Variants in GRIN3A observed in about 807,000 individuals in gnomAD.
GRIN3A encodes the protein glutamate receptor ionotropic, NMDA 3A.
GRIN3A carries 47 observed loss-of-function variants against 92.4 expected under a neutral mutation model. The ratio of observed to expected loss-of-function variants is 0.51; its 90% CI spans 0.40 to 0.65. GRIN3A has a LOEUF of 0.65. Ranked by LOEUF, GRIN3A falls within the 30% of genes least tolerant of loss-of-function variation. The pLI, the probability that GRIN3A is intolerant of heterozygous loss-of-function variation, is 0.00. For missense variants in GRIN3A, 1,324 were observed against 1,393.1 expected (o/e 0.95, Z 0.79); for synonymous variants, 527 against 540.6 (o/e 0.97, Z 0.35).
At chr9:101,601,411 C>T (rs143110999) in intron 6 of GRIN3A, among the ~76,000 whole-genome samples, 18 of 152,300 alleles carry the variant, frequency 1.2e-4, no homozygotes, top group African/African-American at 4.1e-4. Flanking sequence ...TCTGGGAGAG[C>T]AGCTAGGAAA....
intron 3 of GRIN3A, among the ~76,000 whole-genome samples, chr9:101,660,278 A>G (rs1212983101): frequency 6.6e-6 from 1 of 151,880 alleles, no homozygotes; most frequent in African/African-American, 2.4e-5. Flanking sequence ...ATGAAAGCAA[A>G]TTATATACAA....
intron 6 of GRIN3A, among the ~76,000 whole-genome samples, chr9:101,587,559 A>G (rs1827965506): frequency 6.6e-6 from 1 of 152,202 alleles, no homozygotes; most frequent in Non-Finnish European, 1.5e-5. Flanking sequence ...AATAAAAAAT[A>G]AAAAGCACAT....
At chr9:101,652,870 G>T (rs1269715176) in intron 3 of GRIN3A, among the ~76,000 whole-genome samples, 2 of 151,926 alleles carry the variant, frequency 1.3e-5, no homozygotes, top group African/African-American at 4.8e-5. Flanking sequence ...TTATGAGAAT[G>T]AACATTGCAG....
At chr9:101,641,742 G>A (rs1413742953) in intron 3 of GRIN3A, among the ~76,000 whole-genome samples, 1 of 150,852 alleles carries the variant, frequency 6.6e-6, no homozygotes, top group Non-Finnish European at 1.5e-5. Context: ...TAACAAACCT[G>A]CACATTGTGC....
chr9:101,700,025 C>T (rs1829734511), intron 1 of GRIN3A, among the ~76,000 whole-genome samples: 1 of 152,162 alleles, frequency 6.6e-6, no homozygotes, highest in Admixed American at 6.5e-5. Flanking sequence ...AGGTGTATTA[C>T]CTGTCTCTCT....
chr9:101,616,970 G>A (rs28459443), intron 5 of GRIN3A, among the ~76,000 whole-genome samples: 1 of 151,246 alleles, frequency 6.6e-6, no homozygotes, highest in Non-Finnish European at 1.5e-5. Context: ...GGAGGCCAAG[G>A]TGGCCGGATC....
At chr9:101,711,348 G>A (rs1469386106) in intron 1 of GRIN3A, among the ~76,000 whole-genome samples, 1 of 152,216 alleles carries the variant, frequency 6.6e-6, no homozygotes, top group South Asian at 2.1e-4. Context: ...ATCCCGATAG[G>A]TCAGGGTGGG....
At chr9:101,680,940 G>A (rs1249120033) in intron 2 of GRIN3A, among the ~76,000 whole-genome samples, 1 of 152,184 alleles carries the variant, frequency 6.6e-6, no homozygotes, top group Non-Finnish European at 1.5e-5. Context: ...TCAGAACTAT[G>A]GCTAATTAGT....
intron 3 of GRIN3A, among the ~76,000 whole-genome samples, chr9:101,642,350 G>T (rs561766532): frequency 1.3e-5 from 2 of 152,124 alleles, no homozygotes; most frequent in African/African-American, 2.4e-5. Context: ...AGAGTTAAAT[G>T]TAAGACCTGA....
chr9:101,588,881 A>G (rs529364141), intron 6 of GRIN3A, among the ~76,000 whole-genome samples: 1 of 151,900 alleles, frequency 6.6e-6, no homozygotes, highest in African/African-American at 2.4e-5. Context: ...TGACTTGACT[A>G]CTCCCAAACT....
At chr9:101,668,570 T>C (rs72745378) in intron 3 of GRIN3A, among the ~76,000 whole-genome samples, 10,636 of 152,124 alleles carry the variant, frequency 0.07, 447 homozygotes, top group Non-Finnish European at 0.094. Flanking sequence ...CACCAACATC[T>C]CCCTTTAGGG....
intron 7 of GRIN3A, 111 bp downstream of exon 7, chr9:101,579,085 C>G: frequency 9.0e-7 from 1 of 1,114,158 alleles, no homozygotes; most frequent in Non-Finnish European, 1.4e-6. Flanking sequence ...CTACCCCACC[C>G]TCGTTATTGT....
chr9:101,603,038 GAGGAAAGA>G (rs1828232700), intron 6 of GRIN3A: 1 of 111,030 alleles, frequency 9.0e-6, no homozygotes, highest in Non-Finnish European at 2.3e-5. Context: ...CACTGAGCTA[GAGGAAAGA>G]AAGAACACAA....
chr9:101,622,502 T>G (rs1397855202), intron 5 of GRIN3A, among the ~76,000 whole-genome samples: 2 of 152,194 alleles, frequency 1.3e-5, no homozygotes, highest in African/African-American at 2.4e-5. Context: ...AAAGCAATCT[T>G]TCTTTGGTTC....
chr9:101,726,596 A>C (rs1262056601), intron 1 of GRIN3A, among the ~76,000 whole-genome samples: 3 of 152,162 alleles, frequency 2.0e-5, no homozygotes, highest in African/African-American at 7.2e-5. Flanking sequence ...CTTCCTATGG[A>C]AATGAAAATG....
At chr9:101,638,366 G>T (rs1828811038) in intron 3 of GRIN3A, among the ~76,000 whole-genome samples, 1 of 151,886 alleles carries the variant, frequency 6.6e-6, no homozygotes, top group African/African-American at 2.4e-5. Context: ...ATTTTGTTTT[G>T]CCTCTTCTAT....
rs1033126185 is a variant in GRIN3A, at chr9:101,738,154, C to T, written c.-175G>A. The T allele has an allele frequency of 1.9e-5, 13 of 676,690 alleles. No individual in the cohort carries two copies. Among genetic ancestry groups the T allele is most frequent in the Non-Finnish European group, 2.7e-5 (10 of 376,866 alleles). 41.9% of individuals were successfully genotyped at this position (676,690 alleles called of 1,614,324 possible). ...ATGCAAGTTGGAGCGTAGCGCGCCT[C>T]CGGCAGTCTCAGATCCCGCTCCCAG... On this transcript the variant is annotated 5_prime_UTR_variant, in exon 1 of 9. Transcript: ENST00000361820.
At chr9:101,585,160 C>CT (rs1416249150) in intron 6 of GRIN3A, among the ~76,000 whole-genome samples, 2 of 152,232 alleles carry the variant, frequency 1.3e-5, no homozygotes, top group Non-Finnish European at 2.9e-5. Flanking sequence ...ATTGCCAAAT[C>CT]TAACGGTCAG....
intron 1 of GRIN3A, among the ~76,000 whole-genome samples, chr9:101,726,421 T>C (rs1830083014): frequency 6.6e-6 from 1 of 152,156 alleles, no homozygotes; most frequent in East Asian, 1.9e-4. Context: ...AGAGAGGTGC[T>C]ACCCAAACAC....
Sources: allele counts gnomAD v4.1 joint callset (sites outside exome capture counted in the v4.1 genomes callset), GRCh38; gene constraint gnomAD v4.1.1; transcripts MANE v1.5; gene names NCBI Gene and HGNC (gene_info 2026-07-23, HGNC 2026-07-21).